The following SPTLC3 variants were observed in gnomAD, a reference collection of about 807,000 sequenced individuals.
The protein encoded by SPTLC3 is serine palmitoyltransferase 3.
SPTLC3 carries 36 observed loss-of-function variants against 59.3 expected under a neutral mutation model. The observed-to-expected ratio is 0.61, with a 90% confidence interval of 0.47 to 0.80. The LOEUF is 0.80. Among genes scored for constraint, SPTLC3 ranks in the 30% least tolerant of loss-of-function variants. The pLI is 0.00. For missense variants in SPTLC3, 625 were observed against 685.1 expected (o/e 0.91, Z 0.98); for synonymous variants, 257 against 240.8 (o/e 1.07, Z -0.62).
chr20:13,157,555 C>G (rs1016630449), intron 10 of SPTLC3, among the ~76,000 whole-genome samples: 2 of 152,086 alleles, frequency 1.3e-5, no homozygotes, highest in African/African-American at 2.4e-5. Context: ...CACAACCTCT[C>G]AAGCTTTAGT....
chr20:13,056,810 T>C (rs182571411), intron 2 of SPTLC3, among the ~76,000 whole-genome samples: 46 of 150,878 alleles, frequency 3.0e-4, no homozygotes, highest in African/African-American at 1.0e-3. Context: ...GGTGCAATCT[T>C]GGCTCACTGC....
intron 2 of SPTLC3, among the ~76,000 whole-genome samples, chr20:13,064,753 CATTT>C (rs1055284020): frequency 6.6e-6 from 1 of 152,110 alleles, no homozygotes; most frequent in Non-Finnish European, 1.5e-5. Context: ...AAAAACTGGC[CATTT>C]TCATTAAATC....
intron 4 of SPTLC3, among the ~76,000 whole-genome samples, chr20:13,080,718 G>C (rs537482637): frequency 2.6e-5 from 4 of 152,066 alleles, no homozygotes; most frequent in African/African-American, 9.7e-5. Flanking sequence ...GAAAATTAGA[G>C]AGCAATTTGA....
chr20:13,064,259 CTTTTTCCTTTTCTT>C lies in SPTLC3; in HGVS notation c.304-7991_304-7978del, dbSNP rs1439118203. 1.0e-3 allele frequency among the ~76,000 whole-genome samples: 75 copies of C among 71,806 alleles called. No homozygotes were observed. The Middle Eastern group carries it at 0.023, about 22-fold the overall frequency. 47.1% of individuals were successfully genotyped at this position (71,806 alleles called of 152,430 possible). The stretch of plus-strand genomic sequence containing the variant: ...CATTAATTAAATAGTTCTTTTTTTT[CTTTTTCCTTTTCTT>C]TTTTTTTTTTGTTTTGTTTTTGTTT... On this transcript the variant is annotated intron_variant, in intron 2 of 11. Coordinates refer to ENST00000399002, the MANE Select transcript of SPTLC3 (RefSeq NM_018327.4).
chr20:13,011,192 T>G (rs1985223697), intron 1 of SPTLC3, among the ~76,000 whole-genome samples: 1 of 152,206 alleles, frequency 6.6e-6, no homozygotes, highest in African/African-American at 2.4e-5. Flanking sequence ...CGAGGGCTTA[T>G]TGTCCCCTCC....
At chr20:13,065,884 A>G (rs6041834) in intron 2 of SPTLC3, among the ~76,000 whole-genome samples, 61,953 of 151,620 alleles carry the variant, frequency 0.41, 12,783 homozygotes, top group Middle Eastern at 0.56. Flanking sequence ...TAACATATCC[A>G]TCATTTCACA....
chr20:13,166,798 T>A lies in SPTLC3; in HGVS notation c.*1931T>A, dbSNP rs1308349750. On this transcript the variant is annotated 3_prime_UTR_variant, in exon 12 of 12. Coordinates refer to ENST00000399002, the MANE Select transcript of SPTLC3 (RefSeq NM_018327.4). ...TGTGATGTTTACACACACCTTCACATCTACACTTCAAGTTTTAAGCCCCTA... is the reference window on the plus strand; with the variant it reads ...TGTGATGTTTACACACACCTTCACAACTACACTTCAAGTTTTAAGCCCCTA... The A allele has an allele frequency of 1.3e-5, 2 of 152,210 alleles. No homozygotes were observed. The highest frequency in any genetic ancestry group is 4.8e-5 in the African/African-American group (2 of 41,448). 9.4% of individuals were successfully genotyped at this position (152,210 alleles called of 1,614,324 possible). A position where few individuals can be genotyped will look rare whatever the true frequency, so the allele number is the denominator to read the frequency against.
chr20:13,129,228 C>T (rs1439673633), intron 9 of SPTLC3, among the ~76,000 whole-genome samples: 1 of 152,156 alleles, frequency 6.6e-6, no homozygotes, highest in Non-Finnish European at 1.5e-5. Flanking sequence ...TCGGGAACAC[C>T]TGGCCTCAAG....
intron 11 of SPTLC3, among the ~76,000 whole-genome samples, chr20:13,163,713 A>C (rs1389529355): frequency 6.6e-6 from 1 of 152,084 alleles, no homozygotes; most frequent in Non-Finnish European, 1.5e-5. Context: ...CCCAAAGAGG[A>C]AAGTCCATAA....
chr20:13,123,050 G>T (rs1158369696), intron 8 of SPTLC3, among the ~76,000 whole-genome samples: 2 of 152,146 alleles, frequency 1.3e-5, no homozygotes, highest in African/African-American at 2.4e-5. Context: ...ACAATACTCG[G>T]CCAGGCGTGG....
chr20:13,049,010 T>G lies in SPTLC3; in HGVS notation c.183T>G (p.His61Gln). Residue 61 changes from histidine (H) to glutamine (Q), a missense_variant, in exon 2 of 12, where the codon CAT becomes CAG. Physicochemically the swap from His to Gln is conservative, Grantham distance 24. Coordinates refer to ENST00000399002, the MANE Select transcript of SPTLC3 (RefSeq NM_018327.4). ...IVESFEEAPL[H>Q]VMVFTYMGYG... ...AATCGTTTGAGGAAGCACCCCTTCA[T>G]GTTATGGTTTTCACTTACATGGGAT... 6.2e-7 allele frequency: 1 copy of G among 1,610,842 alleles called. No individual in the cohort carries two copies. Among genetic ancestry groups the G allele is most frequent in the Non-Finnish European group, 8.5e-7 (1 of 1,179,126 alleles).
In SPTLC3 at chr20:13,154,139, G is replaced by A. The variant is rs749941595; in HGVS notation, c.1415+1G>A. On this transcript the variant is annotated splice_donor_variant, in intron 10 of 11. Coordinates refer to ENST00000399002, the MANE Select transcript of SPTLC3 (RefSeq NM_018327.4). LOFTEE classifies it high-confidence loss of function. ...TTCTTTATATGCCTGGTAAAGTAGCGTAAGTATCCAAGGCATCTCATAATC... is the reference window on the plus strand; with the variant it reads ...TTCTTTATATGCCTGGTAAAGTAGCATAAGTATCCAAGGCATCTCATAATC... 5.0e-6 allele frequency: 8 copies of A among 1,613,970 alleles called. No homozygotes were observed. The highest frequency in any genetic ancestry group is 2.2e-5 in the East Asian group (1 of 44,872).
chr20:13,114,739 C>T (rs1367799383), intron 7 of SPTLC3, among the ~76,000 whole-genome samples: 1 of 152,048 alleles, frequency 6.6e-6, no homozygotes. Flanking sequence ...TCTCTCTTTC[C>T]ACCTTGCTTT....
chr20:13,068,148 A>G (rs1461134551), intron 2 of SPTLC3, among the ~76,000 whole-genome samples: 1 of 152,246 alleles, frequency 6.6e-6, no homozygotes, highest in Non-Finnish European at 1.5e-5. Context: ...ATTATAAATT[A>G]TCGTACAAAT....
intron 1 of SPTLC3, among the ~76,000 whole-genome samples, chr20:13,033,183 G>A (rs1196027510): frequency 6.6e-6 from 1 of 152,092 alleles, no homozygotes; most frequent in Non-Finnish European, 1.5e-5. Flanking sequence ...ACCCTTCTAA[G>A]CAAAGGTTAG....
intron 1 of SPTLC3, among the ~76,000 whole-genome samples, chr20:13,037,203 G>A (rs1281944152): frequency 6.6e-6 from 1 of 152,086 alleles, no homozygotes; most frequent in Non-Finnish European, 1.5e-5. Context: ...GTCACCCAAT[G>A]GACGTTCCCT....
intron 9 of SPTLC3, among the ~76,000 whole-genome samples, chr20:13,151,915 C>A (rs2038657529): frequency 6.6e-6 from 1 of 152,050 alleles, no homozygotes; most frequent in Non-Finnish European, 1.5e-5. Flanking sequence ...GCTAGTGATA[C>A]CTTACCTAAC....
intron 8 of SPTLC3, among the ~76,000 whole-genome samples, chr20:13,123,042 A>C (rs958138972): frequency 6.6e-6 from 1 of 152,152 alleles, no homozygotes; most frequent in African/African-American, 2.4e-5. Context: ...ATTGATTAAC[A>C]ATACTCGGCC....
chr20:13,109,610 T>C (rs1990109039), intron 6 of SPTLC3, among the ~76,000 whole-genome samples: 1 of 152,200 alleles, frequency 6.6e-6, no homozygotes. Flanking sequence ...AGAGGCTTAA[T>C]TGTCCCACTG....
Sources: gnomAD v4.1 joint callset for allele counts (sites outside exome capture counted in the v4.1 genomes callset) on GRCh38, gnomAD v4.1.1 for gene constraint, MANE v1.5 for transcripts, NCBI Gene and HGNC (gene_info 2026-07-23, HGNC 2026-07-21) for gene names.